The following SLC22A15 variants were observed in gnomAD, a reference collection of about 807,000 sequenced individuals.
SLC22A15 encodes solute carrier family 22 member 15, also known as flipt 1.
SLC22A15 carries 45 observed loss-of-function variants against 62.7 expected under a neutral mutation model. The observed-to-expected ratio is 0.72, with a 90% CI of 0.56 to 0.92. The LOEUF (loss-of-function observed/expected upper bound fraction) is 0.92, where lower values mean the gene tolerates loss of function less well. Among genes scored for constraint, SLC22A15 ranks in the 40% least tolerant of loss-of-function variants. SLC22A15 has a pLI of 0.00. For missense variants in SLC22A15, 622 were observed against 665.6 expected, an observed-to-expected ratio of 0.93 and a Z score of 0.72; for synonymous variants, 264 against 267.0, an observed-to-expected ratio of 0.99 and a Z score of 0.11.
chr1:116,031,292 G>A (rs1657380085), intron 5 of SLC22A15, 74 bp from the exon 6 acceptor site: 1 of 1,112,432 alleles, frequency 9.0e-7, no homozygotes, highest in South Asian at 1.4e-5. Context: ...TCCACGTACT[G>A]AGTAGGTGAT....
chr1:115,981,346 C>T (rs1357459226), intron 1 of SLC22A15, among the ~76,000 whole-genome samples: 1 of 152,228 alleles, frequency 6.6e-6, no homozygotes, highest in East Asian at 1.9e-4. Context: ...CCAGGGCTCT[C>T]TGTCAGTTTG....
At chr1:115,995,385 G>C (rs1383143088) in intron 2 of SLC22A15, among the ~76,000 whole-genome samples, 1 of 152,140 alleles carries the variant, frequency 6.6e-6, no homozygotes, top group Non-Finnish European at 1.5e-5. Context: ...CCAAGTAGCT[G>C]GGATTACAGG....
intron 1 of SLC22A15, among the ~76,000 whole-genome samples, chr1:115,988,065 T>C (rs1654961764): frequency 6.6e-6 from 1 of 152,188 alleles, no homozygotes. Flanking sequence ...CCTAGTGCAT[T>C]TTAGTCATTT....
chr1:115,999,130 T>G (rs1655580615), intron 2 of SLC22A15, among the ~76,000 whole-genome samples: 1 of 152,218 alleles, frequency 6.6e-6, no homozygotes, highest in African/African-American at 2.4e-5. Flanking sequence ...CCATTGTGAT[T>G]GGAGAAGATA....
chr1:116,044,634 A>G (rs569841739), intron 8 of SLC22A15, among the ~76,000 whole-genome samples: 69 of 152,230 alleles, frequency 4.5e-4, no homozygotes, highest in Non-Finnish European at 8.8e-4. Flanking sequence ...TCACCTTCAT[A>G]GAAAGTCCTA....
chr1:116,030,167 C>T (rs74111147), intron 5 of SLC22A15, among the ~76,000 whole-genome samples: 6,879 of 152,156 alleles, frequency 0.045, 549 homozygotes, highest in African/African-American at 0.16. Context: ...AAATATTGTG[C>T]GTGAATATTC....
chr1:116,035,734 G>A (rs1657609666), intron 7 of SLC22A15, among the ~76,000 whole-genome samples: 1 of 152,152 alleles, frequency 6.6e-6, no homozygotes, highest in South Asian at 2.1e-4. Flanking sequence ...ATAATTGAAG[G>A]AACTAGAAAG....
chr1:115,989,929 G>GTTA, intron 1 of SLC22A15, among the ~76,000 whole-genome samples: 1 of 152,340 alleles, frequency 6.6e-6, no homozygotes, highest in Non-Finnish European at 1.5e-5. Flanking sequence ...TAGGCCCTGG[G>GTTA]TTATTTGCTT....
intron 2 of SLC22A15, among the ~76,000 whole-genome samples, chr1:116,010,964 AAC>A (rs1656219276): frequency 6.6e-6 from 1 of 152,216 alleles, no homozygotes; most frequent in Non-Finnish European, 1.5e-5. Context: ...CTGCTTGGAC[AAC>A]CAGGGTGACC....
At chr1:115,996,105 G>A (rs1226956811) in intron 2 of SLC22A15, among the ~76,000 whole-genome samples, 4 of 152,076 alleles carry the variant, frequency 2.6e-5, no homozygotes, top group African/African-American at 9.7e-5. Flanking sequence ...CTTATACTAT[G>A]AGTCTTTCAT....
At chr1:116,037,197 G>T in intron 7 of SLC22A15, 106 bp from the exon 8 acceptor site, 1 of 951,710 alleles carries the variant, frequency 1.1e-6, no homozygotes, top group South Asian at 1.5e-5. Context: ...AAGAGGAGAT[G>T]AACATATATA....
chr1:116,062,341 G>A (rs1015089876), intron 8 of SLC22A15, among the ~76,000 whole-genome samples: 7 of 152,162 alleles, frequency 4.6e-5, no homozygotes, highest in Non-Finnish European at 7.3e-5. Flanking sequence ...GCTTACCTCT[G>A]TCTCATGTAC....
intron 5 of SLC22A15, among the ~76,000 whole-genome samples, chr1:116,030,233 T>C (rs1407359984): frequency 1.3e-5 from 2 of 152,200 alleles, no homozygotes; most frequent in Non-Finnish European, 2.9e-5. Context: ...TTCCAGCATC[T>C]TTCCTTTCAG....
intron 2 of SLC22A15, among the ~76,000 whole-genome samples, chr1:115,993,428 A>AGT (rs762008398): frequency 0.11 from 15,306 of 143,286 alleles, 1,038 homozygotes; most frequent in African/African-American, 0.18. Flanking sequence ...AGTGTGTGAG[A>AGT]GTGTGTGTGT....
At chr1:116,013,157 T>C (rs920440668) in intron 2 of SLC22A15, among the ~76,000 whole-genome samples, 8 of 152,110 alleles carry the variant, frequency 5.3e-5, no homozygotes, top group African/African-American at 1.9e-4. Flanking sequence ...TTACCATGGG[T>C]TGGGGGCAGC....
At chr1:116,043,078 G>A (rs1657832775) in intron 8 of SLC22A15, among the ~76,000 whole-genome samples, 1 of 152,092 alleles carries the variant, frequency 6.6e-6, no homozygotes, top group Non-Finnish European at 1.5e-5. Context: ...CATGTGGATT[G>A]AAGAAAAAAA....
chr1:116,012,156 A>G (rs1456025210), intron 2 of SLC22A15, among the ~76,000 whole-genome samples: 2 of 152,174 alleles, frequency 1.3e-5, no homozygotes, highest in Non-Finnish European at 2.9e-5. Flanking sequence ...ATGAAATGTC[A>G]CTATAAATTA....
At chr1:116,024,788 AT>A (rs1657009937) in intron 4 of SLC22A15, among the ~76,000 whole-genome samples, 1 of 152,150 alleles carries the variant, frequency 6.6e-6, no homozygotes, top group Non-Finnish European at 1.5e-5. Context: ...CAAGTCTAGT[AT>A]TTAAAGTCTT....
chr1:116,000,535 G>A (rs144015711), intron 2 of SLC22A15, among the ~76,000 whole-genome samples: 2,724 of 151,334 alleles, frequency 0.018, 35 homozygotes, highest in East Asian at 0.026. Flanking sequence ...GTTTATACAC[G>A]ACAATTACAA....
Sources: gnomAD v4.1 joint callset for allele counts (sites outside exome capture counted in the v4.1 genomes callset) on GRCh38, gnomAD v4.1.1 for gene constraint, MANE v1.5 for transcripts, NCBI Gene and HGNC (gene_info 2026-07-23, HGNC 2026-07-21) for gene names.